BLTP3B: variants seen among roughly 807,000 people sequenced by gnomAD.
The protein encoded by BLTP3B is bridge-like lipid transfer protein family member 3B.
the BLTP3B span, chr12:100,142,720 G>A: frequency 6.5e-7 from 1 of 1,532,180 alleles, no homozygotes; most frequent in Non-Finnish European, 8.8e-7. Context: ...GTCCCGGCTA[G>A]CCCGGCCGGC....
chr12:100,134,294 G>A, the BLTP3B span, among the ~76,000 whole-genome samples: 1 of 152,092 alleles, frequency 6.6e-6, no homozygotes, highest in East Asian at 1.9e-4. Flanking sequence ...TAAAAGAGAA[G>A]ACATCTCCAA....
the BLTP3B span, among the ~76,000 whole-genome samples, chr12:100,088,064 G>A: frequency 6.6e-6 from 1 of 152,124 alleles, no homozygotes; most frequent in East Asian, 1.9e-4. Flanking sequence ...TCTAATGAAG[G>A]CAGGGTAACT....
At chr12:100,086,896 C>T in the BLTP3B span, among the ~76,000 whole-genome samples, 5 of 152,140 alleles carry the variant, frequency 3.3e-5, no homozygotes, top group African/African-American at 1.2e-4. Flanking sequence ...CGCGGTGGCT[C>T]ACGCCTGTCA....
At chr12:100,101,330 G>A in the BLTP3B span, among the ~76,000 whole-genome samples, 4 of 152,174 alleles carry the variant, frequency 2.6e-5, no homozygotes, top group Admixed American at 1.3e-4. Flanking sequence ...CTCATGGCAT[G>A]CACTAACATA....
At chr12:100,065,732 T>C in the BLTP3B span, among the ~76,000 whole-genome samples, 30 of 152,310 alleles carry the variant, frequency 2.0e-4, no homozygotes, top group East Asian at 2.7e-3. Context: ...CAGCTGAACA[T>C]AGACCCTTAT....
chr12:100,059,455 T>G, the BLTP3B span: 1 of 1,613,892 alleles, frequency 6.2e-7, no homozygotes, highest in Non-Finnish European at 8.5e-7. Flanking sequence ...TTTGTGGCAA[T>G]CATTTCAGAA....
the BLTP3B span, chr12:100,097,279 A>G: frequency 1.3e-5 from 18 of 1,367,314 alleles, no homozygotes; most frequent in Non-Finnish European, 1.5e-5. Flanking sequence ...AAAATTTCCT[A>G]TAGTTAACTA....
chr12:100,089,152 C>T, the BLTP3B span: 1 of 1,362,158 alleles, frequency 7.3e-7, no homozygotes, highest in Admixed American at 2.8e-5. Context: ...AAATTTCACA[C>T]AAAAATCTAA....
chr12:100,053,194 C>A, the BLTP3B span, among the ~76,000 whole-genome samples: 2 of 151,798 alleles, frequency 1.3e-5, no homozygotes, highest in Non-Finnish European at 2.9e-5. Flanking sequence ...TATCTGAGGT[C>A]AGGAGTTCGA....
the BLTP3B span, chr12:100,057,695 A>G: frequency 3.7e-6 from 6 of 1,612,222 alleles, no homozygotes; most frequent in Admixed American, 1.0e-4. Context: ...TATTCTTATA[A>G]GAAACACAGA....
chr12:100,053,221 A>G, the BLTP3B span, among the ~76,000 whole-genome samples: 8 of 151,902 alleles, frequency 5.3e-5, no homozygotes, highest in Admixed American at 2.6e-4. Flanking sequence ...CCTGGCCAAC[A>G]TGGTAAAACC....
At chr12:100,053,030 C>T in the BLTP3B span, among the ~76,000 whole-genome samples, 716 of 151,486 alleles carry the variant, frequency 4.7e-3, 1 homozygote, top group Middle Eastern at 0.014. Context: ...CCTGACTTCG[C>T]GATCCACCCG....
the BLTP3B span, among the ~76,000 whole-genome samples, chr12:100,040,255 GCA>G: frequency 6.6e-6 from 1 of 152,194 alleles, no homozygotes; most frequent in Non-Finnish European, 1.5e-5. Context: ...CTTAGGGCAG[GCA>G]CAGTGGCTCA....
chr12:100,097,964 CAG>C, the BLTP3B span, among the ~76,000 whole-genome samples: 1 of 152,086 alleles, frequency 6.6e-6, no homozygotes, highest in Non-Finnish European at 1.5e-5. Context: ...CCTGTAATCT[CAG>C]AGCACTATGG....
chr12:100,037,766 A>G, the BLTP3B span: 1 of 1,585,070 alleles, frequency 6.3e-7, no homozygotes, highest in Non-Finnish European at 8.6e-7. Flanking sequence ...CTGAAATGAT[A>G]AATGGCGGGG....
the BLTP3B span, among the ~76,000 whole-genome samples, chr12:100,071,210 A>G: frequency 3.3e-5 from 5 of 152,006 alleles, no homozygotes; most frequent in African/African-American, 1.2e-4. Flanking sequence ...AAGAATTCCG[A>G]GATGGGCCAG....
the BLTP3B span, among the ~76,000 whole-genome samples, chr12:100,120,621 G>T: frequency 6.6e-6 from 1 of 152,184 alleles, no homozygotes; most frequent in Non-Finnish European, 1.5e-5. Flanking sequence ...ATACGTATTT[G>T]TGAGAATGTA....
chr12:100,076,026 G>A, the BLTP3B span, among the ~76,000 whole-genome samples: 5 of 151,888 alleles, frequency 3.3e-5, no homozygotes, highest in East Asian at 9.7e-4. Context: ...CCTGGATGGT[G>A]GGATAATCAC....
chr12:100,080,347 CTCTT>C, the BLTP3B span, among the ~76,000 whole-genome samples: 1 of 143,526 alleles, frequency 7.0e-6, no homozygotes, highest in Non-Finnish European at 1.5e-5. Context: ...TGGAACCCAT[CTCTT>C]TTTTTTTTTT....
Sources: allele counts gnomAD v4.1 joint callset (sites outside exome capture counted in the v4.1 genomes callset), GRCh38; gene constraint gnomAD v4.1.1; transcripts MANE v1.5; gene names NCBI Gene and HGNC (gene_info 2026-07-23, HGNC 2026-07-21).